IL1RAPL1: variants seen among roughly 807,000 people sequenced by gnomAD.
The protein encoded by IL1RAPL1 is interleukin-1 receptor accessory protein-like 1.
A neutral mutation model predicts 48.4 loss-of-function variants in IL1RAPL1; 3 were observed. The observed-to-expected ratio is 0.06, with a 90% CI of 0.03 to 0.16. The LOEUF is 0.16. Ranked by LOEUF, IL1RAPL1 falls within the 10% of genes least tolerant of loss-of-function variation. The pLI is 1.00. For synonymous variants in IL1RAPL1, 185 were observed against 187.7 expected (o/e 0.99, Z 0.12); for missense variants, 349 against 530.6 (o/e 0.66, Z 3.36).
rs375941609 is a variant in IL1RAPL1, at chrX:29,150,390, G to A, written c.83-132548G>A. ...TAACAAAACAACAATAATAGCAGCAGCAGCAGCAGCTAACATTTCTATTAT... is the reference window on the plus strand; with the variant it reads ...TAACAAAACAACAATAATAGCAGCAACAGCAGCAGCTAACATTTCTATTAT... On this transcript the variant is annotated intron_variant, in intron 2 of 10. Coordinates refer to ENST00000378993, the MANE Select transcript of IL1RAPL1 (RefSeq NM_014271.4). 8.1e-5 allele frequency among the ~76,000 whole-genome samples: 9 copies of A among 111,454 alleles called. No individual in the cohort carries two copies. The East Asian group carries it at 8.5e-4, about 10-fold the overall frequency.
intron 1 of IL1RAPL1, among the ~76,000 whole-genome samples, chrX:28,692,888 A>G (rs1035194462): frequency 9.0e-6 from 1 of 111,659 alleles, no homozygotes; most frequent in Non-Finnish European, 1.9e-5. Context: ...TATTATTTAA[A>G]TTGACAAATC....
At chrX:29,740,894 G>A (rs1394453228) in intron 6 of IL1RAPL1, among the ~76,000 whole-genome samples, 2 of 112,201 alleles carry the variant, frequency 1.8e-5, no homozygotes, top group Non-Finnish European at 3.8e-5. Context: ...TTGCCCACAC[G>A]CTGTTCTCAT....
At chrX:28,892,331 T>C (rs1204120453) in intron 2 of IL1RAPL1, among the ~76,000 whole-genome samples, 2 of 106,146 alleles carry the variant, frequency 1.9e-5, no homozygotes, top group Non-Finnish European at 3.9e-5. Context: ...CAGAAGGTGC[T>C]CAGTGGGGGA....
intron 2 of IL1RAPL1, among the ~76,000 whole-genome samples, chrX:28,905,913 C>A (rs1362731838): frequency 9.0e-6 from 1 of 111,561 alleles, no homozygotes; most frequent in East Asian, 2.8e-4. Context: ...TGAAAGAAGG[C>A]AAGTATATTA....
chrX:28,646,088 G>T (rs779905748), intron 1 of IL1RAPL1, among the ~76,000 whole-genome samples: 6 of 112,056 alleles, frequency 5.4e-5, no homozygotes, highest in African/African-American at 1.9e-4. Context: ...AACCTTTTAG[G>T]CACCCGGGAC....
At chrX:29,885,686 G>C (rs1402028988) in intron 6 of IL1RAPL1, among the ~76,000 whole-genome samples, 1 of 111,204 alleles carries the variant, frequency 9.0e-6, no homozygotes, top group Non-Finnish European at 1.9e-5. Context: ...GAGTGTGGTG[G>C]CATGCACCCG....
intron 1 of IL1RAPL1, among the ~76,000 whole-genome samples, chrX:28,598,678 G>C (rs1172248718): frequency 1.9e-5 from 2 of 104,463 alleles, no homozygotes; most frequent in African/African-American, 7.0e-5. Context: ...GCCCAGGCTG[G>C]AGTGCAATGG....
intron 2 of IL1RAPL1, among the ~76,000 whole-genome samples, chrX:28,819,017 C>G (rs188823659): frequency 9.1e-6 from 1 of 110,490 alleles, no homozygotes; most frequent in African/African-American, 3.3e-5. Context: ...ATATTTACTC[C>G]AAAAATGCAG....
At chrX:29,920,744 G>A (rs1262447224) in intron 8 of IL1RAPL1, among the ~76,000 whole-genome samples, 3 of 93,242 alleles carry the variant, frequency 3.2e-5, no homozygotes, top group African/African-American at 1.2e-4. Context: ...GCGGTTAGGC[G>A]AGATTGCGCC....
At chrX:29,277,455 G>A (rs1342904764) in intron 2 of IL1RAPL1, among the ~76,000 whole-genome samples, 2 of 112,279 alleles carry the variant, frequency 1.8e-5, no homozygotes, top group African/African-American at 6.5e-5. Flanking sequence ...ATTGTTCAGA[G>A]AAAATTAACC....
intron 9 of IL1RAPL1, among the ~76,000 whole-genome samples, chrX:29,946,730 T>G (rs1366435953): frequency 2.7e-5 from 3 of 112,033 alleles, no homozygotes; most frequent in Admixed American, 1.9e-4. Flanking sequence ...GTGGCAATAC[T>G]CCAGTGGTAG....
At chrX:29,750,524 G>A (rs1397869161) in intron 6 of IL1RAPL1, among the ~76,000 whole-genome samples, 1 of 111,811 alleles carries the variant, frequency 8.9e-6, no homozygotes, top group Non-Finnish European at 1.9e-5. Context: ...AGGAAACAAA[G>A]ATTATGAGCC....
At chrX:29,558,161 A>C (rs1411968024) in intron 5 of IL1RAPL1, among the ~76,000 whole-genome samples, 1 of 111,557 alleles carries the variant, frequency 9.0e-6, no homozygotes, top group African/African-American at 3.3e-5. Flanking sequence ...CCATCAGTGC[A>C]CAGAGGTCTC....
At chrX:29,743,291 A>C in intron 6 of IL1RAPL1, among the ~76,000 whole-genome samples, 1 of 107,761 alleles carries the variant, frequency 9.3e-6, no homozygotes, top group Non-Finnish European at 1.9e-5. Context: ...ATTTATATAT[A>C]AATCATATCT....
intron 2 of IL1RAPL1, among the ~76,000 whole-genome samples, chrX:29,249,694 A>G (rs1227683337): frequency 1.8e-5 from 2 of 111,938 alleles, no homozygotes; most frequent in Non-Finnish European, 3.8e-5. Context: ...TATAGCAGTT[A>G]TAGATTACAA....
intron 2 of IL1RAPL1, among the ~76,000 whole-genome samples, chrX:29,078,898 G>C (rs1459796169): frequency 2.7e-5 from 3 of 111,888 alleles, no homozygotes; most frequent in African/African-American, 9.7e-5. Flanking sequence ...TCAGAACTCA[G>C]GAGGGGTATA....
intron 5 of IL1RAPL1, among the ~76,000 whole-genome samples, chrX:29,610,015 A>C (rs780877928): frequency 1.8e-5 from 2 of 111,693 alleles, no homozygotes; most frequent in South Asian, 7.5e-4. Flanking sequence ...AACCACACAC[A>C]CTTTCTACTT....
chrX:29,181,952 A>G (rs1930151927), intron 2 of IL1RAPL1, among the ~76,000 whole-genome samples: 1 of 111,697 alleles, frequency 9.0e-6, no homozygotes, highest in Admixed American at 9.6e-5. Context: ...TTCTTGGCAA[A>G]CAACTGCTAA....
chrX:29,250,514 A>G lies in IL1RAPL1; in HGVS notation c.83-32424A>G, dbSNP rs186454897. Among the ~76,000 whole-genome samples, 450 of 111,559 alleles carry G rather than the reference A, an allele frequency of 4.0e-3. 4 individuals carry two copies. Among genetic ancestry groups the G allele is most frequent in the African/African-American group, 0.014 (428 of 30,807 alleles). ...CATTACCTTTTAGCATTTGGAACCC[A>G]AAGTGGAGAATGATTGCTTCTGAAA... is the stretch of plus-strand genomic sequence containing the variant. On this transcript the variant is annotated intron_variant, in intron 2 of 10. Transcript: ENST00000378993.
Sources: gnomAD v4.1 joint callset for allele counts (sites outside exome capture counted in the v4.1 genomes callset) on GRCh38, gnomAD v4.1.1 for gene constraint, MANE v1.5 for transcripts, NCBI Gene and HGNC (gene_info 2026-07-23, HGNC 2026-07-21) for gene names.